The following CAMKMT variants were observed in gnomAD, a reference collection of about 807,000 sequenced individuals.
CAMKMT encodes the protein calmodulin-lysine N-methyltransferase, also known as CaM KMT.
A neutral mutation model predicts 48.0 loss-of-function variants in CAMKMT; 53 were observed. The ratio of observed to expected loss-of-function variants is 1.10; its 90% confidence interval spans 0.89 to 1.39. The LOEUF is 1.39. Among genes scored for constraint, CAMKMT ranks in the 40% most tolerant of loss-of-function variants. The probability of loss-of-function intolerance (pLI) is 0.00; values close to 1 mark genes in which losing one functional copy is unlikely to be tolerated. For missense variants in CAMKMT, 428 were observed against 402.7 expected (o/e 1.06, Z -0.54); for synonymous variants, 165 against 152.3 (o/e 1.08, Z -0.61).
At chr2:44,439,608 G>A (rs1408891979) in intron 3 of CAMKMT, among the ~76,000 whole-genome samples, 1 of 152,008 alleles carries the variant, frequency 6.6e-6, no homozygotes, top group Non-Finnish European at 1.5e-5. Context: ...GGAGGCTGAA[G>A]CAGGTGGATC....
intron 3 of CAMKMT, among the ~76,000 whole-genome samples, chr2:44,679,859 A>G (rs1454933663): frequency 6.6e-6 from 1 of 152,222 alleles, no homozygotes; most frequent in Non-Finnish European, 1.5e-5. Context: ...CTCTGCCTGC[A>G]CTTCCTTTGG....
chr2:44,599,278 A>C (rs2103850468), intron 3 of CAMKMT, among the ~76,000 whole-genome samples: 1 of 152,186 alleles, frequency 6.6e-6, no homozygotes, highest in East Asian at 1.9e-4. Flanking sequence ...GACACTTCAT[A>C]ATACCTGGCA....
chr2:44,496,488 A>T (rs894989035), intron 3 of CAMKMT, among the ~76,000 whole-genome samples: 1 of 152,194 alleles, frequency 6.6e-6, no homozygotes, highest in Non-Finnish European at 1.5e-5. Flanking sequence ...AGCATTTTCC[A>T]CTTTTGACTA....
chr2:44,712,866 C>A (rs1677957719), intron 6 of CAMKMT, among the ~76,000 whole-genome samples: 1 of 152,036 alleles, frequency 6.6e-6, no homozygotes, highest in African/African-American at 2.4e-5. Context: ...ACAGTGCCGT[C>A]CAGAAGAACC....
chr2:44,678,211 A>T (rs1462737430), intron 3 of CAMKMT, among the ~76,000 whole-genome samples: 1 of 152,234 alleles, frequency 6.6e-6, no homozygotes, highest in African/African-American at 2.4e-5. Context: ...AATGCGTGAA[A>T]AAAGTAGACT....
intron 3 of CAMKMT, among the ~76,000 whole-genome samples, chr2:44,635,840 A>C (rs1017847059): frequency 6.6e-6 from 1 of 152,178 alleles, no homozygotes; most frequent in Non-Finnish European, 1.5e-5. Flanking sequence ...AGTGACTTAA[A>C]ATAGACTATC....
chr2:44,416,831 T>C (rs1282859197), intron 3 of CAMKMT, among the ~76,000 whole-genome samples: 1 of 152,032 alleles, frequency 6.6e-6, no homozygotes, highest in Non-Finnish European at 1.5e-5. Flanking sequence ...CGCCTCAGCC[T>C]CCCAAATTGT....
intron 8 of CAMKMT, among the ~76,000 whole-genome samples, chr2:44,749,930 A>T (rs1680083784): frequency 6.6e-6 from 1 of 152,222 alleles, no homozygotes; most frequent in South Asian, 2.1e-4. Context: ...TCTGACCTGC[A>T]GCATTAGAAA....
At position 44,572,690 on chromosome 2, in the gene CAMKMT, C is replaced by G. The variant is rs186406193; in HGVS notation, c.377-131593C>G. ...GTTATGAGTAATGCTGCTATGTTGG[C>G]TCTTATGAGTAATGCTGCTGTGTTG... On this transcript the variant is annotated intron_variant, in intron 3 of 10. Coordinates refer to ENST00000378494, the MANE Select transcript of CAMKMT (RefSeq NM_024766.5). Among the ~76,000 whole-genome samples, 224 of 148,786 alleles carry G rather than the reference C, an allele frequency of 1.5e-3. 1 individual carries two copies. The highest frequency in any genetic ancestry group is 5.2e-3 in the African/African-American group (209 of 40,092).
At chr2:44,397,571 T>C (rs1204687192) in intron 3 of CAMKMT, among the ~76,000 whole-genome samples, 1 of 152,174 alleles carries the variant, frequency 6.6e-6, no homozygotes, top group African/African-American at 2.4e-5. Flanking sequence ...GTCAGGACGG[T>C]TTTTTCTTTT....
At chr2:44,565,983 A>C (rs1668594788) in intron 3 of CAMKMT, among the ~76,000 whole-genome samples, 1 of 152,172 alleles carries the variant, frequency 6.6e-6, no homozygotes, top group Non-Finnish European at 1.5e-5. Context: ...CGTGGCTTGT[A>C]AATCTGTGGG....
chr2:44,679,341 T>A (rs1466150144), intron 3 of CAMKMT, among the ~76,000 whole-genome samples: 1 of 152,238 alleles, frequency 6.6e-6, no homozygotes, highest in Non-Finnish European at 1.5e-5. Flanking sequence ...CTCAGGGATC[T>A]CTGCCCTCAT....
intron 3 of CAMKMT, among the ~76,000 whole-genome samples, chr2:44,656,013 T>C (rs945096149): frequency 6.6e-6 from 1 of 152,026 alleles, no homozygotes; most frequent in African/African-American, 2.4e-5. Flanking sequence ...GTGGGGAGGG[T>C]AGGCAAAACA....
intron 3 of CAMKMT, among the ~76,000 whole-genome samples, chr2:44,435,974 A>G (rs1049592567): frequency 2.3e-4 from 35 of 152,182 alleles, no homozygotes; most frequent in African/African-American, 8.0e-4. Context: ...GTTTATACCC[A>G]TTTTACAAAT....
chr2:44,549,184 G>A (rs1442154675), intron 3 of CAMKMT, among the ~76,000 whole-genome samples: 1 of 151,872 alleles, frequency 6.6e-6, no homozygotes, highest in African/African-American at 2.4e-5. Flanking sequence ...ATATTCATTT[G>A]CCAAAAGAGA....
chr2:44,470,366 G>A (rs1668349981), intron 3 of CAMKMT, among the ~76,000 whole-genome samples: 1 of 152,138 alleles, frequency 6.6e-6, no homozygotes, highest in South Asian at 2.1e-4. Flanking sequence ...TGTGAGGGCA[G>A]CTTCAGACCC....
intron 3 of CAMKMT, among the ~76,000 whole-genome samples, chr2:44,511,360 C>G (rs1372506455): frequency 6.6e-6 from 1 of 152,224 alleles, no homozygotes; most frequent in Admixed American, 6.5e-5. Context: ...GCCATCTCGG[C>G]TCACTGCAAC....
chr2:44,708,233 T>C (rs2104282791), intron 6 of CAMKMT, among the ~76,000 whole-genome samples: 1 of 146,774 alleles, frequency 6.8e-6, no homozygotes, highest in African/African-American at 2.5e-5. Flanking sequence ...TTTTTTTTTT[T>C]TTTGGTGTGC....
At chr2:44,508,373 A>C (rs541607179) in intron 3 of CAMKMT, among the ~76,000 whole-genome samples, 1 of 152,318 alleles carries the variant, frequency 6.6e-6, no homozygotes, top group Non-Finnish European at 1.5e-5. Flanking sequence ...GCATATAGCC[A>C]GTCACAGCAA....
Sources: allele counts gnomAD v4.1 joint callset (sites outside exome capture counted in the v4.1 genomes callset), GRCh38; gene constraint gnomAD v4.1.1; transcripts MANE v1.5; gene names NCBI Gene and HGNC (gene_info 2026-07-23, HGNC 2026-07-21).